The following EGFLAM variants were observed in gnomAD, a reference collection of about 807,000 sequenced individuals.
EGFLAM encodes the protein EGF like, fibronectin type III and laminin G domains.
In EGFLAM, 79 loss-of-function variants were observed where a neutral mutation model predicts 113.1. The ratio of observed to expected loss-of-function variants is 0.70; its 90% CI spans 0.58 to 0.84. The LOEUF is 0.84. Among genes scored for constraint, EGFLAM ranks in the 40% least tolerant of loss-of-function variants. The pLI, the probability that EGFLAM is intolerant of heterozygous loss-of-function variation, is 0.00. For missense variants in EGFLAM, 1,265 were observed against 1,291.6 expected (o/e 0.98, Z 0.32); for synonymous variants, 504 against 487.6 (o/e 1.03, Z -0.44).
intron 1 of EGFLAM, among the ~76,000 whole-genome samples, chr5:38,259,070 T>C (rs192030544): frequency 6.6e-6 from 1 of 152,242 alleles, no homozygotes; most frequent in African/African-American, 2.4e-5. Flanking sequence ...ATGATCAATT[T>C]TCCAGACATA....
At chr5:38,370,247 C>G in intron 5 of EGFLAM, 49 bp from the exon 6 acceptor site, 1 of 1,584,868 alleles carries the variant, frequency 6.3e-7, no homozygotes, top group East Asian at 2.3e-5. Flanking sequence ...CTTCCCTTCC[C>G]TCTGGTATTT....
rs140047402 is a variant in EGFLAM at position 38,365,129 on chromosome 5, T to G, written c.546-5167T>G. 6.4e-3 allele frequency among the ~76,000 whole-genome samples: 978 copies of G among 152,314 alleles called. 4 individuals are homozygous for G. Among genetic ancestry groups the G allele is most frequent in the Middle Eastern group, 0.024 (7 of 294 alleles). On this transcript the variant is annotated intron_variant, in intron 5 of 21. Coordinates refer to ENST00000322350, the MANE Select transcript of EGFLAM (RefSeq NM_152403.4). ...ATTTTCCTAGCAGGATTTAACCAGTTTTAGCCATTTCCTAGTTAACGTCCA... is the reference window on the plus strand; with the variant it reads ...ATTTTCCTAGCAGGATTTAACCAGTGTTAGCCATTTCCTAGTTAACGTCCA...
chr5:38,431,044 T>A (rs570264637), intron 14 of EGFLAM, 133 bp from the exon 15 acceptor site: 1 of 744,938 alleles, frequency 1.3e-6, no homozygotes, highest in South Asian at 1.8e-5. Flanking sequence ...CTAAGTTTAC[T>A]GATTCAGATG....
At chr5:38,295,686 A>C (rs1758438999) in intron 1 of EGFLAM, among the ~76,000 whole-genome samples, 1 of 152,224 alleles carries the variant, frequency 6.6e-6, no homozygotes, top group African/African-American at 2.4e-5. Context: ...AAATGTAATA[A>C]CAATAAAGTA....
At chr5:38,409,551 T>C (rs898323561) in intron 10 of EGFLAM, among the ~76,000 whole-genome samples, 1 of 152,212 alleles carries the variant, frequency 6.6e-6, no homozygotes, top group Non-Finnish European at 1.5e-5. Flanking sequence ...CTGTAGGTGC[T>C]GCTGAATGTT....
intron 6 of EGFLAM, among the ~76,000 whole-genome samples, chr5:38,387,628 G>A (rs934390761): frequency 2.6e-5 from 4 of 152,238 alleles, no homozygotes; most frequent in African/African-American, 9.6e-5. Flanking sequence ...CCTCTCTGAT[G>A]GAGAATGACT....
At chr5:38,463,400 G>A (rs1485324734) in intron 21 of EGFLAM, among the ~76,000 whole-genome samples, 1 of 152,178 alleles carries the variant, frequency 6.6e-6, no homozygotes, top group Non-Finnish European at 1.5e-5. Flanking sequence ...ACATAAAAAT[G>A]AAAAGCTATT....
intron 11 of EGFLAM, among the ~76,000 whole-genome samples, chr5:38,415,094 G>A (rs898442058): frequency 6.6e-6 from 1 of 152,268 alleles, no homozygotes; most frequent in Admixed American, 6.5e-5. Flanking sequence ...AGGCACAGTG[G>A]CTCATGCCTC....
chr5:38,349,610 C>A (rs1427209136), intron 3 of EGFLAM, among the ~76,000 whole-genome samples: 3 of 152,148 alleles, frequency 2.0e-5, no homozygotes, highest in Admixed American at 2.0e-4. Context: ...GCCCTTTCCA[C>A]TACAATGGGC....
chr5:38,351,141 C>T (rs1739612116), intron 4 of EGFLAM, among the ~76,000 whole-genome samples: 1 of 147,056 alleles, frequency 6.8e-6, no homozygotes, highest in African/African-American at 2.5e-5. Context: ...CAGAGTCTCA[C>T]TCTGTCACCC....
intron 10 of EGFLAM, 125 bp from the exon 11 acceptor site, chr5:38,412,379 T>A: frequency 1.4e-6 from 2 of 1,423,794 alleles, no homozygotes; most frequent in East Asian, 4.6e-5. Context: ...TTGATATTCA[T>A]AAACATGACT....
chr5:38,389,695 T>A (rs530647427), intron 6 of EGFLAM, among the ~76,000 whole-genome samples: 7 of 152,300 alleles, frequency 4.6e-5, no homozygotes, highest in East Asian at 3.9e-4. Context: ...TGTTTTTCAT[T>A]CATATTTTTG....
intron 5 of EGFLAM, among the ~76,000 whole-genome samples, chr5:38,353,834 G>A (rs138125356): frequency 3.3e-5 from 5 of 152,308 alleles, no homozygotes; most frequent in African/African-American, 1.2e-4. Context: ...ATGGCCAGCA[G>A]GCAGTCAAGA....
At chr5:38,387,533 A>G (rs1360377610) in intron 6 of EGFLAM, among the ~76,000 whole-genome samples, 3 of 152,184 alleles carry the variant, frequency 2.0e-5, no homozygotes, top group Non-Finnish European at 4.4e-5. Context: ...CTTCCATTGG[A>G]AAGCAACCCG....
chr5:38,324,803 C>G (rs1292324094), intron 1 of EGFLAM, among the ~76,000 whole-genome samples: 1 of 152,120 alleles, frequency 6.6e-6, no homozygotes, highest in Non-Finnish European at 1.5e-5. Context: ...TAGTGCTGCT[C>G]CAGGTCCAGG....
At chr5:38,398,444 C>T (rs1038101477) in intron 6 of EGFLAM, among the ~76,000 whole-genome samples, 11 of 152,100 alleles carry the variant, frequency 7.2e-5, no homozygotes, top group African/African-American at 2.2e-4. Flanking sequence ...CTCATAATGC[C>T]ACTAAAGAGG....
intron 16 of EGFLAM, 104 bp from the exon 17 acceptor site, chr5:38,438,171 C>A: frequency 6.3e-5 from 67 of 1,057,892 alleles, no homozygotes; most frequent in Non-Finnish European, 6.3e-5. Flanking sequence ...AATTTTTTTT[C>A]AATCTCCCTA....
intron 5 of EGFLAM, among the ~76,000 whole-genome samples, chr5:38,356,250 A>G (rs1739759244): frequency 6.6e-6 from 1 of 152,222 alleles, no homozygotes; most frequent in Non-Finnish European, 1.5e-5. Context: ...CCCCTGTGCT[A>G]GGAATTCTGC....
chr5:38,434,563 G>A (rs1426492779), intron 15 of EGFLAM, among the ~76,000 whole-genome samples: 1 of 152,172 alleles, frequency 6.6e-6, no homozygotes, highest in Non-Finnish European at 1.5e-5. Context: ...ATTACCTAAA[G>A]TGTGTTCATT....
Sources: allele counts gnomAD v4.1 joint callset (sites outside exome capture counted in the v4.1 genomes callset), GRCh38; gene constraint gnomAD v4.1.1; transcripts MANE v1.5; gene names NCBI Gene and HGNC (gene_info 2026-07-23, HGNC 2026-07-21).